The following KMT2C variants were observed in gnomAD, a reference collection of about 807,000 sequenced individuals.
KMT2C encodes lysine methyltransferase 2C.
A neutral mutation model predicts 507.9 loss-of-function variants in KMT2C; 88 were observed. The observed-to-expected ratio is 0.17, with a 90% confidence interval of 0.15 to 0.21. The LOEUF (loss-of-function observed/expected upper bound fraction) is 0.21. KMT2C is among the 10% of genes least tolerant of loss of function. The pLI, the probability that KMT2C is intolerant of heterozygous loss-of-function variation, is 1.00. For missense variants in KMT2C, 4,954 were observed against 5,957.8 expected, an observed-to-expected ratio of 0.83 and a Z score of 5.55; for synonymous variants, 2,049 against 2,080.8, an observed-to-expected ratio of 0.98 and a Z score of 0.42.
Position 152,252,581 on chromosome 7 carries a change from C to T in KMT2C, c.1434G>A (p.Leu478=). ...PFCGKCYHPE[L]QKDMLHCNMC... ...TATTACAATGAAGCATGTCTTTCTG[C>T]AATTCTGGATGATAACACTTCCCAC... is the stretch of plus-strand genomic sequence containing the variant. Residue 478 remains leucine (L), a synonymous_variant, in exon 10 of 59, where the codon TTG becomes TTA. Transcript: ENST00000262189. 6.2e-7 allele frequency: 1 copy of T among 1,613,414 alleles called. No homozygotes were observed. Among genetic ancestry groups the T allele is most frequent in the Non-Finnish European group, 8.5e-7 (1 of 1,179,650 alleles).
intron 25 of KMT2C, 49 bp downstream of exon 25, chr7:152,205,057 C>A (rs2094263217): frequency 3.2e-6 from 4 of 1,254,828 alleles, no homozygotes; most frequent in Non-Finnish European, 4.5e-6. Flanking sequence ...AATATCAAGA[C>A]CAAAGGGTTA....
At chr7:152,171,919 G>T (rs1211921622) in intron 39 of KMT2C, among the ~76,000 whole-genome samples, 1 of 152,188 alleles carries the variant, frequency 6.6e-6, no homozygotes, top group African/African-American at 2.4e-5. Flanking sequence ...AGATCAGTCT[G>T]CATGGTTAAA....
chr7:152,314,090 A>G (rs2096699861), intron 4 of KMT2C, among the ~76,000 whole-genome samples: 2 of 152,162 alleles, frequency 1.3e-5, no homozygotes, highest in South Asian at 4.1e-4. Context: ...CCTCCAAAAC[A>G]TCACAACTCT....
chr7:152,220,072 T>C (rs905879579), intron 23 of KMT2C: 4 of 157,474 alleles, frequency 2.5e-5, no homozygotes, highest in Non-Finnish European at 4.2e-5. Flanking sequence ...AAAATGTTTA[T>C]AAACCAATAC....
chr7:152,369,298 G>A (rs1382538783), intron 1 of KMT2C, among the ~76,000 whole-genome samples: 4 of 151,722 alleles, frequency 2.6e-5, no homozygotes, highest in Non-Finnish European at 4.4e-5. Context: ...ACTCCAGCCT[G>A]GGCAACAGAG....
intron 1 of KMT2C, among the ~76,000 whole-genome samples, chr7:152,366,583 G>A (rs1026514151): frequency 6.6e-6 from 1 of 152,160 alleles, no homozygotes; most frequent in Admixed American, 6.5e-5. Context: ...GGTTGCCAGA[G>A]GCTGAGAGAA....
intron 40 of KMT2C, among the ~76,000 whole-genome samples, chr7:152,170,749 T>C (rs774728646): frequency 2.0e-5 from 3 of 152,122 alleles, no homozygotes; most frequent in Non-Finnish European, 4.4e-5. Flanking sequence ...AATTTGCCCA[T>C]CTCGGCCTCC....
chr7:152,269,800 T>A (rs1024006503), intron 7 of KMT2C, among the ~76,000 whole-genome samples: 2 of 152,122 alleles, frequency 1.3e-5, no homozygotes, highest in African/African-American at 2.4e-5. Flanking sequence ...GGGAGCAAGG[T>A]TCTTATGGCA....
intron 1 of KMT2C, among the ~76,000 whole-genome samples, chr7:152,383,950 G>A (rs1285412226): frequency 6.6e-6 from 1 of 151,894 alleles, no homozygotes; most frequent in Non-Finnish European, 1.5e-5. Flanking sequence ...TTTTTTAGAT[G>A]GCCTCCTTTC....
chr7:152,356,158 T>A (rs1203299578), intron 2 of KMT2C, among the ~76,000 whole-genome samples: 1 of 152,160 alleles, frequency 6.6e-6, no homozygotes, highest in African/African-American at 2.4e-5. Context: ...GAACTTCTTT[T>A]CTAATTGTTC....
chr7:152,233,321 A>G (rs1156549486), intron 16 of KMT2C, among the ~76,000 whole-genome samples: 1 of 152,168 alleles, frequency 6.6e-6, no homozygotes, highest in Non-Finnish European at 1.5e-5. Flanking sequence ...GCCTGCATAG[A>G]TAATAGTGTG....
intron 7 of KMT2C, among the ~76,000 whole-genome samples, chr7:152,271,781 G>A (rs570729482): frequency 6.6e-6 from 1 of 151,572 alleles, no homozygotes; most frequent in Admixed American, 6.6e-5. Flanking sequence ...ACAGCCCTAT[G>A]AAACTGATAT....
intron 1 of KMT2C, chr7:152,368,392 G>A (rs1313553292): frequency 2.7e-6 from 3 of 1,120,872 alleles, no homozygotes; most frequent in Non-Finnish European, 4.0e-6. Context: ...GGAGTATGCA[G>A]CTAAAATGAA....
At chr7:152,368,698 A>G in intron 1 of KMT2C, 3 of 1,341,506 alleles carry the variant, frequency 2.2e-6, no homozygotes, top group South Asian at 1.3e-5. Context: ...TTAGTTGCCA[A>G]TATGCCAGCT....
chr7:152,245,484 C>CAAAAA (rs2095456953), intron 14 of KMT2C, among the ~76,000 whole-genome samples: 1 of 151,864 alleles, frequency 6.6e-6, no homozygotes, highest in East Asian at 1.9e-4. Flanking sequence ...ATTTATTTCA[C>CAAAAA]CTGTTTTTGT....
In KMT2C at chr7:152,152,786, G is replaced by A. The variant is rs2129097536; in HGVS notation, c.12445C>T (p.Pro4149Ser). 1.2e-6 allele frequency: 2 copies of A among 1,614,162 alleles called. No individual in the cohort carries two copies. Among genetic ancestry groups the A allele is most frequent in the South Asian group, 1.1e-5 (1 of 91,076 alleles). Reference sequence around the variant, plus strand: ...AATCTGGGAGGGTTTGCAGATCCTGGCGGAGGCCCACGGAGAAGTAAATGC... The same window carrying A: ...AATCTGGGAGGGTTTGCAGATCCTGACGGAGGCCCACGGAGAAGTAAATGC... Reference protein sequence around the residue: ...RQHLLLRGPPPGSANPPRLVS... With the variant: ...RQHLLLRGPPSGSANPPRLVS... The change falls in exon 49 of 59, where the codon CCA becomes TCA. Residue 4149 changes from proline (P) to serine (S), a missense_variant. This residue lies in a region of KMT2C where 417 missense variants were observed against 461.1 expected (regional missense o/e 0.90). Coordinates refer to ENST00000262189, the MANE Select transcript of KMT2C (RefSeq NM_170606.3).
rs2129098849 is a variant in KMT2C at position 152,154,433 on chromosome 7, G to A, written c.11973C>T (p.His3991=). ...TGTCAGGAGTATCTCGATCACCACA[G>A]TGATCCTGTATCCTGAAAAAACATA... The part of the protein sequence containing the change: ...NNQEELRIQD[H]CGDRDTPDSF... The change falls in exon 47 of 59, where the codon CAC becomes CAT. Residue 3991 remains histidine (H), a synonymous_variant. Transcript: ENST00000262189. 4.3e-6 allele frequency: 7 copies of A among 1,613,210 alleles called. No homozygotes were observed. In the South Asian group the frequency reaches 7.7e-5, roughly 18 times the overall value.
chr7:152,420,798 G>A (rs2097772708), intron 1 of KMT2C, among the ~76,000 whole-genome samples: 2 of 151,324 alleles, frequency 1.3e-5, no homozygotes, highest in African/African-American at 4.9e-5. Context: ...TCGCACCACT[G>A]CACTCCAGAC....
intron 1 of KMT2C, among the ~76,000 whole-genome samples, chr7:152,379,559 T>C (rs1589589248): frequency 2.0e-5 from 3 of 151,474 alleles, no homozygotes; most frequent in Admixed American, 6.6e-5. Flanking sequence ...CAAACAAAAA[T>C]GGACAAAGGA....
Sources: gnomAD v4.1 joint callset for allele counts (sites outside exome capture counted in the v4.1 genomes callset) on GRCh38, gnomAD v4.1.1 for gene constraint, gnomAD v4.1.1 regional missense constraint, MANE v1.5 for transcripts, NCBI Gene and HGNC (gene_info 2026-07-23, HGNC 2026-07-21) for gene names.